Variants in HLTF observed in about 807,000 individuals in gnomAD.
HLTF encodes DNA-dependent ATPase/E3 ubiquitin-protein ligase HLTF.
A neutral mutation model predicts 129.4 loss-of-function variants in HLTF; 127 were observed. That is an observed-to-expected ratio of 0.98 (90% CI 0.85 to 1.14). The LOEUF (loss-of-function observed/expected upper bound fraction) is 1.14, where lower values mean the gene tolerates loss of function less well. HLTF is among the 50% of genes most tolerant of loss of function. HLTF has a pLI of 0.00. For synonymous variants in HLTF, 332 were observed against 388.8 expected (o/e 0.85, Z 1.72); for missense variants, 1,139 against 1,187.1 (o/e 0.96, Z 0.60).
intron 13 of HLTF, among the ~76,000 whole-genome samples, chr3:149,057,726 T>C (rs1717597698): frequency 1.3e-5 from 2 of 152,188 alleles, no homozygotes; most frequent in Admixed American, 6.5e-5. Context: ...AGAACAACTG[T>C]GTTTGGGATT....
Position 149,086,498 on chromosome 3 carries a change from G to T in HLTF, c.-162C>A. ...TGAAAGGTAAGTCGCCGCGAGTCCAGTCAGACGTCGACGCCGTCTCCTTCT... is the reference window on the plus strand; with the variant it reads ...TGAAAGGTAAGTCGCCGCGAGTCCATTCAGACGTCGACGCCGTCTCCTTCT... On this transcript the variant is annotated 5_prime_UTR_variant, in exon 1 of 25. In the 5' UTR this introduces an upstream ATG that the reference lacks. Transcript: ENST00000310053. The T allele has an allele frequency of 1.4e-6, 1 of 709,076 alleles. No homozygotes were observed. The highest frequency in any genetic ancestry group is 1.8e-5 in the African/African-American group (1 of 56,044). The allele number at this position is 709,076 out of a possible 1,614,324, so 43.9% of individuals were successfully genotyped here.
At chr3:149,061,178 T>C (rs889537112) in intron 10 of HLTF, among the ~76,000 whole-genome samples, 2 of 152,020 alleles carry the variant, frequency 1.3e-5, no homozygotes, top group African/African-American at 4.8e-5. Flanking sequence ...CAAGTGATCA[T>C]CCCGCCTTAG....
At chr3:149,086,150 C>G (rs1241309319) in intron 1 of HLTF, among the ~76,000 whole-genome samples, 167 bp downstream of exon 1, 1 of 152,194 alleles carries the variant, frequency 6.6e-6, no homozygotes, top group African/African-American at 2.4e-5. Flanking sequence ...TACTCGCCAG[C>G]GAAGACAATG....
intron 13 of HLTF, among the ~76,000 whole-genome samples, chr3:149,058,241 T>C (rs1192382993): frequency 6.6e-6 from 1 of 152,128 alleles, no homozygotes; most frequent in African/African-American, 2.4e-5. Flanking sequence ...CTGGCTAATT[T>C]TGTGTATTTT....
chr3:149,060,290 T>C (rs1055018222), intron 12 of HLTF, among the ~76,000 whole-genome samples: 1 of 152,192 alleles, frequency 6.6e-6, no homozygotes, highest in South Asian at 2.1e-4. Flanking sequence ...TGTATAATAA[T>C]GTAAACAATA....
At chr3:149,044,900 TTGAC>T (rs1716412983) in intron 18 of HLTF, among the ~76,000 whole-genome samples, 1 of 152,116 alleles carries the variant, frequency 6.6e-6, no homozygotes, top group African/African-American at 2.4e-5. Flanking sequence ...ATCTCTTGCT[TTGAC>T]TGCCACTGGT....
chr3:149,082,328 A>G (rs894623419), intron 2 of HLTF, among the ~76,000 whole-genome samples: 6 of 152,270 alleles, frequency 3.9e-5, no homozygotes, highest in South Asian at 2.1e-4. Flanking sequence ...GCATGGTGGC[A>G]GGCGCCTGTA....
At chr3:149,077,294 A>AT (rs71135658) in intron 2 of HLTF, among the ~76,000 whole-genome samples, 1 of 148,756 alleles carries the variant, frequency 6.7e-6, no homozygotes, top group Non-Finnish European at 1.5e-5. Flanking sequence ...AAATAAATAA[A>AT]AATAATAGCT....
chr3:149,079,841 T>C (rs958283317), intron 2 of HLTF, among the ~76,000 whole-genome samples: 1 of 152,200 alleles, frequency 6.6e-6, no homozygotes, highest in Non-Finnish European at 1.5e-5. Context: ...TCCACTCACC[T>C]TGGCCTCCCA....
chr3:149,036,099 C>T (rs1715594518), intron 23 of HLTF, among the ~76,000 whole-genome samples: 2 of 151,374 alleles, frequency 1.3e-5, no homozygotes, highest in Admixed American at 6.6e-5. Context: ...CGCGCCACTG[C>T]ACTCCAGCCT....
intron 5 of HLTF, 29 bp from the exon 6 acceptor site, chr3:149,071,686 T>A: frequency 1.6e-6 from 2 of 1,234,512 alleles, no homozygotes; most frequent in Non-Finnish European, 2.3e-6. Context: ...AGAAACAATG[T>A]AAAACAAACT....
chr3:149,077,297 T>A (rs1268907189), intron 2 of HLTF, among the ~76,000 whole-genome samples: 1 of 147,476 alleles, frequency 6.8e-6, no homozygotes, highest in Non-Finnish European at 1.5e-5. Flanking sequence ...TAAATAAAAA[T>A]AATAGCTTGT....
chr3:149,031,118 CA>C lies in HLTF; in HGVS notation c.*1101del, dbSNP rs1198587843. On this transcript the variant is annotated 3_prime_UTR_variant, in exon 25 of 25. Coordinates refer to ENST00000310053, the MANE Select transcript of HLTF (RefSeq NM_003071.4). ...TTTTAAATATGCTCAGGAGTCAACC[CA>C]AATTCTGCAGCAAATAAGTTTGCTT... 1 of 151,358 alleles carries C rather than the reference CA, an allele frequency of 6.6e-6. No homozygotes were observed. The highest frequency in any genetic ancestry group is 1.5e-5 in the Non-Finnish European group (1 of 67,896). The allele number at this position is 151,358 out of a possible 1,614,324, so 9.4% of individuals were successfully genotyped here.
intron 10 of HLTF, among the ~76,000 whole-genome samples, chr3:149,061,130 C>A (rs145483464): frequency 2.0e-3 from 310 of 152,242 alleles, no homozygotes; most frequent in African/African-American, 7.2e-3. Context: ...AGTACAGTGA[C>A]ACAATCAGAA....
At chr3:149,042,589 G>A (rs1397942883) in intron 18 of HLTF, among the ~76,000 whole-genome samples, 1 of 152,088 alleles carries the variant, frequency 6.6e-6, no homozygotes, top group Non-Finnish European at 1.5e-5. Context: ...GGCATGCCCT[G>A]AGGGGAAAAT....
At position 149,060,570 on chromosome 3, in the gene HLTF, C is replaced by T. The variant is rs529189283; in HGVS notation, c.1285+73G>A. The T allele has an allele frequency of 1.1e-4, 134 of 1,201,810 alleles. 1 individual carries two copies. In the South Asian group the frequency reaches 1.6e-3, roughly 14 times the overall value. The allele number at this position is 1,201,810 out of a possible 1,614,324, so 74.4% of individuals were successfully genotyped here. A position where few individuals can be genotyped will look rare whatever the true frequency, so the allele number is the denominator to read the frequency against. ...CTATTACTAAAACATTCCAACCTAG[C>T]GAGATACAAATCAATGGAGCTGTAC... On this transcript the variant is annotated intron_variant, in intron 12 of 24. Transcript: ENST00000310053.
intron 2 of HLTF, among the ~76,000 whole-genome samples, chr3:149,082,300 T>C (rs573701235): frequency 2.6e-5 from 4 of 151,994 alleles, no homozygotes; most frequent in East Asian, 3.9e-4. Flanking sequence ...CTACCAAAAA[T>C]ACAAAAAAAT....
At chr3:149,035,112 C>T (rs2107945777) in intron 23 of HLTF, 114 bp from the exon 24 acceptor site, 1 of 797,096 alleles carries the variant, frequency 1.3e-6, no homozygotes, top group Non-Finnish European at 2.2e-6. Flanking sequence ...AAGTTTTCTG[C>T]CTGAAGTCAG....
At chr3:149,064,228 CT>C (rs764391793) in intron 9 of HLTF, among the ~76,000 whole-genome samples, 13 of 152,046 alleles carry the variant, frequency 8.6e-5, no homozygotes, top group Non-Finnish European at 1.9e-4. Context: ...AACTCGCCAC[CT>C]TTCTATTTCT....
Sources: allele counts gnomAD v4.1 joint callset (sites outside exome capture counted in the v4.1 genomes callset), GRCh38; gene constraint gnomAD v4.1.1; transcripts MANE v1.5; gene names NCBI Gene and HGNC (gene_info 2026-07-23, HGNC 2026-07-21).